Variants in ABL2 observed in about 807,000 individuals in gnomAD.
The protein encoded by ABL2 is ABL proto-oncogene 2, non-receptor tyrosine kinase.
A neutral mutation model predicts 107.7 loss-of-function variants in ABL2; 49 were observed. The observed-to-expected ratio is 0.45, with a 90% CI of 0.36 to 0.58. ABL2 has a LOEUF of 0.58. ABL2 is among the 20% of genes least tolerant of loss of function. The pLI is 0.00. For synonymous variants in ABL2, 549 were observed against 548.6 expected, an observed-to-expected ratio of 1.00 and a Z score of -0.01; for missense variants, 1,245 against 1,457.0, an observed-to-expected ratio of 0.85 and a Z score of 2.37.
chr1:179,108,702 T>C lies in ABL2; in HGVS notation c.2565A>G (p.Arg855=). The C allele has an allele frequency of 2.5e-6, 4 of 1,614,160 alleles. No individual in the cohort carries two copies. Among genetic ancestry groups the C allele is most frequent in the Non-Finnish European group, 2.5e-6 (3 of 1,179,986 alleles). The part of the protein sequence containing the change: ...RERPKAKLLP[R]GATALPLRTP... ...TTCTGAGAGGAAGAGCTGTGGCTCC[T>C]CTGGGCAATAACTTGGCTTTTGGTC... The change falls in exon 12 of 12, where the codon AGA becomes AGG. Residue 855 remains arginine (R), a synonymous_variant. Transcript: ENST00000502732.
chr1:179,112,474 C>T (rs1654185825), intron 9 of ABL2, 76 bp from the exon 10 acceptor site: 1 of 1,140,586 alleles, frequency 8.8e-7, no homozygotes, highest in African/African-American at 1.5e-5. Context: ...ATAATGAGTT[C>T]TATGCATCAT....
intron 11 of ABL2, among the ~76,000 whole-genome samples, chr1:179,110,029 T>A (rs1653889130): frequency 6.6e-6 from 1 of 152,140 alleles, no homozygotes; most frequent in South Asian, 2.1e-4. Context: ...CCTCTTCTCC[T>A]CTATCGGGTT....
At chr1:179,114,767 T>C (rs1654456856) in intron 9 of ABL2, 111 bp downstream of exon 9, 2 of 1,123,382 alleles carry the variant, frequency 1.8e-6, no homozygotes, top group African/African-American at 1.6e-5. Context: ...TTAAATGTCA[T>C]GAGGCTGGAT....
At chr1:179,128,631 G>A (rs1655977068) in intron 3 of ABL2, among the ~76,000 whole-genome samples, 1 of 152,092 alleles carries the variant, frequency 6.6e-6, no homozygotes, top group Non-Finnish European at 1.5e-5. Context: ...ACTGATAGGG[G>A]GATGACTAGT....
intron 8 of ABL2, chr1:179,117,027 G>GGGA: frequency 2.7e-6 from 1 of 368,764 alleles, no homozygotes; most frequent in Non-Finnish European, 5.2e-6. Flanking sequence ...TAGTAGAGAT[G>GGGA]GGAGTTCACC....
intron 1 of ABL2, among the ~76,000 whole-genome samples, chr1:179,177,415 C>T (rs1218757484): frequency 6.6e-6 from 1 of 152,234 alleles, no homozygotes; most frequent in Non-Finnish European, 1.5e-5. Context: ...CAACTACAGT[C>T]ATCCTCAGGG....
intron 1 of ABL2, among the ~76,000 whole-genome samples, chr1:179,210,715 T>C (rs1195138083): frequency 1.3e-5 from 2 of 151,482 alleles, no homozygotes; most frequent in Non-Finnish European, 3.0e-5. Flanking sequence ...TGAGCTGGGC[T>C]TAGTGGCGGG....
intron 1 of ABL2, among the ~76,000 whole-genome samples, chr1:179,142,487 A>G (rs1298245282): frequency 6.6e-6 from 1 of 152,222 alleles, no homozygotes; most frequent in Admixed American, 6.5e-5. Context: ...TATCAGTTTA[A>G]TTAGAAATTT....
chr1:179,190,753 C>T (rs1359462803), intron 1 of ABL2, among the ~76,000 whole-genome samples: 3 of 152,162 alleles, frequency 2.0e-5, no homozygotes, highest in Non-Finnish European at 2.9e-5. Flanking sequence ...ACAAAAGATG[C>T]TCTAATCACC....
intron 1 of ABL2, among the ~76,000 whole-genome samples, chr1:179,153,923 T>TCATGTA (rs1174237686): frequency 6.6e-6 from 1 of 152,226 alleles, no homozygotes; most frequent in Non-Finnish European, 1.5e-5. Context: ...CTCTTCTGTT[T>TCATGTA]CATGTACATG....
chr1:179,136,910 C>A, intron 1 of ABL2, among the ~76,000 whole-genome samples: 2 of 113,396 alleles, frequency 1.8e-5, no homozygotes, highest in Non-Finnish European at 3.6e-5. Flanking sequence ...GAGTGAGACC[C>A]TGTCTCAAAA....
Position 179,108,232 on chromosome 1 carries a change from C to A in ABL2, c.3035G>T (p.Gly1012Val). 2 of 1,614,174 alleles carry A rather than the reference C, an allele frequency of 1.2e-6. No homozygotes were observed. The highest frequency in any genetic ancestry group is 2.2e-5 in the South Asian group (2 of 91,088). Residue 1012 changes from glycine (G) to valine (V), a missense_variant, in exon 12 of 12, where the codon GGA (glycine) becomes GTA (valine). Coordinates refer to ENST00000502732, the MANE Select transcript of ABL2 (RefSeq NM_007314.4). ...PTEEPTALTAGQSTSETQEGG... is the reference protein window; with the variant it reads ...PTEEPTALTAVQSTSETQEGG... ...TTCCTGTGTTTCTGATGTGGACTGT[C>A]CTGCAGTTAGGGCAGTTGGCTCTTC...
chr1:179,224,560 C>T lies in ABL2; in HGVS notation c.157+4681G>A, dbSNP rs994032580. Among the ~76,000 whole-genome samples the T allele has an allele frequency of 7.9e-5, 12 of 151,976 alleles. No individual in the cohort carries two copies. In the East Asian group the frequency reaches 1.2e-3, roughly 15 times the overall value. On this transcript the variant is annotated intron_variant, in intron 1 of 11. Transcript: ENST00000502732. ...CTGGGATTATAGGTGTGAGCCACCA[C>T]GCCCAGCCTAAAGTTAATTTTTAAT...
In ABL2 at chr1:179,126,844, A is replaced by G. The variant is rs1010855690; in HGVS notation, c.392-172T>C. ...AAACTTGGCTGTTCATCATATCCTG[A>G]TTGCTCTCTTTAGCTTTTAGCTTAA... On this transcript the variant is annotated intron_variant, in intron 3 of 11. Coordinates refer to ENST00000502732, the MANE Select transcript of ABL2 (RefSeq NM_007314.4). This position sits in a 1 kb window ranked among gnomAD's most constrained non-coding sequence, Gnocchi z 4.4. Among the ~76,000 whole-genome samples the G allele has an allele frequency of 6.6e-6, 1 of 151,498 alleles. No individual in the cohort carries two copies. The highest frequency in any genetic ancestry group is 6.6e-5 in the Admixed American group (1 of 15,146).
At chr1:179,142,040 G>C (rs1212861759) in intron 1 of ABL2, among the ~76,000 whole-genome samples, 1 of 152,224 alleles carries the variant, frequency 6.6e-6, no homozygotes, top group Non-Finnish European at 1.5e-5. Flanking sequence ...AGACATGTCT[G>C]GATGATTCAG....
At chr1:179,205,030 T>C (rs1326700612) in intron 1 of ABL2, among the ~76,000 whole-genome samples, 7 of 36,404 alleles carry the variant, frequency 1.9e-4, no homozygotes, top group Non-Finnish European at 4.3e-4. Context: ...ACTCTTTTTC[T>C]TTTTTTTTTT....
At position 179,112,442 on chromosome 1, in the gene ABL2, T is replaced by C. The variant is rs1334414329; in HGVS notation, c.1562-44A>G. On this transcript the variant is annotated intron_variant, in intron 9 of 11. Transcript: ENST00000502732. ...AATATTAAAAACTCCTTGCAGAAATTCAATATCCAGTGGTGTATCTAATAA... is the reference window on the plus strand; with the variant it reads ...AATATTAAAAACTCCTTGCAGAAATCCAATATCCAGTGGTGTATCTAATAA... 3.4e-6 allele frequency: 5 copies of C among 1,491,408 alleles called. No homozygotes were observed. The Admixed American group carries it at 5.1e-5, about 15-fold the overall frequency. The allele number at this position is 1,491,408 out of a possible 1,614,324, so 92.4% of individuals were successfully genotyped here.
intron 1 of ABL2, among the ~76,000 whole-genome samples, chr1:179,185,169 GA>G (rs1290480112): frequency 6.6e-6 from 1 of 152,136 alleles, no homozygotes; most frequent in Non-Finnish European, 1.5e-5. Flanking sequence ...TAAAAAGGGG[GA>G]AAGAAAACTT....
chr1:179,186,061 A>G (rs1451104940), intron 1 of ABL2, among the ~76,000 whole-genome samples: 4 of 152,036 alleles, frequency 2.6e-5, no homozygotes, highest in African/African-American at 7.2e-5. Context: ...CCTGGACAAC[A>G]TGACGAAACC....
Sources: allele counts gnomAD v4.1 joint callset (sites outside exome capture counted in the v4.1 genomes callset), GRCh38; gene constraint gnomAD v4.1.1; non-coding constraint Gnocchi (gnomAD v3.1); transcripts MANE v1.5; gene names NCBI Gene and HGNC (gene_info 2026-07-23, HGNC 2026-07-21).